The following ATRN variants were observed in gnomAD, a reference collection of about 807,000 sequenced individuals.
ATRN encodes the protein attractin-2.
In ATRN, 54 loss-of-function variants were observed where a neutral mutation model predicts 178.7. The observed-to-expected ratio is 0.30, with a 90% CI of 0.24 to 0.38. The LOEUF is 0.38. ATRN is among the 10% of genes least tolerant of loss of function. ATRN has a pLI of 1.00. For synonymous variants in ATRN, 636 were observed against 663.0 expected (o/e 0.96, Z 0.63); for missense variants, 1,443 against 1,815.1 (o/e 0.79, Z 3.73).
intron 1 of ATRN, among the ~76,000 whole-genome samples, chr20:3,509,585 G>A (rs961788880): frequency 3.4e-4 from 51 of 149,624 alleles, no homozygotes; most frequent in African/African-American, 1.2e-3. Context: ...GCAACCTCCA[G>A]CCCCTAGGTT....
chr20:3,600,467 T>C (rs1005478432), intron 22 of ATRN, among the ~76,000 whole-genome samples: 18 of 152,192 alleles, frequency 1.2e-4, no homozygotes, highest in African/African-American at 4.1e-4. Flanking sequence ...GTTTCCAGTT[T>C]TGGAGAAGTT....
intron 25 of ATRN, among the ~76,000 whole-genome samples, chr20:3,631,592 A>G (rs1726902001): frequency 6.6e-6 from 1 of 152,104 alleles, no homozygotes; most frequent in Non-Finnish European, 1.5e-5. Context: ...AGCAGCAAGT[A>G]GAAGGGACTG....
chr20:3,534,718 C>T (rs972759116), intron 1 of ATRN, among the ~76,000 whole-genome samples: 1 of 152,116 alleles, frequency 6.6e-6, no homozygotes, highest in African/African-American at 2.4e-5. Flanking sequence ...CCTGTAAACC[C>T]AGCATTTTGG....
At chr20:3,640,731 A>G (rs1356462834) in intron 27 of ATRN, among the ~76,000 whole-genome samples, 4 of 152,258 alleles carry the variant, frequency 2.6e-5, no homozygotes, top group African/African-American at 9.6e-5. Flanking sequence ...AATTAAAAGT[A>G]GAATTATATA....
At position 3,649,338 on chromosome 20, in the gene ATRN, AT is replaced by A. The variant is rs2087129657; in HGVS notation, c.*2493del. Reference sequence around the variant, plus strand: ...ACAGTAGTGTCCAGAATGTTCAGACATTCGGAGTGTACATAAAACAGAAAAA... The same window carrying A: ...ACAGTAGTGTCCAGAATGTTCAGACATCGGAGTGTACATAAAACAGAAAAA... On this transcript the variant is annotated 3_prime_UTR_variant, in exon 29 of 29. Coordinates refer to ENST00000262919, the MANE Select transcript of ATRN (RefSeq NM_139321.3). The A allele has an allele frequency of 6.5e-6, 1 of 152,676 alleles. No individual in the cohort carries two copies. The highest frequency in any genetic ancestry group is 2.4e-5 in the African/African-American group (1 of 41,462). 9.5% of individuals were successfully genotyped at this position (152,676 alleles called of 1,614,324 possible).
rs566248442 is a variant in ATRN, at chr20:3,522,858, A to G, written c.411-12395A>G. On this transcript the variant is annotated intron_variant, in intron 1 of 28. Coordinates refer to ENST00000262919, the MANE Select transcript of ATRN (RefSeq NM_139321.3). ...AACAAAAACTAACAAACAGAAAGGA[A>G]TAGGATCACCATCAACAAAAAGGAC... Among the ~76,000 whole-genome samples, 3 of 152,280 alleles carry G rather than the reference A, an allele frequency of 2.0e-5. No homozygotes were observed. The South Asian group carries it at 6.2e-4, about 32-fold the overall frequency.
At chr20:3,583,438 A>G (rs2086308034) in intron 16 of ATRN, among the ~76,000 whole-genome samples, 2 of 152,206 alleles carry the variant, frequency 1.3e-5, no homozygotes. Flanking sequence ...ACTAAACAGT[A>G]CTTGATGACT....
At chr20:3,611,946 A>G (rs1451602125) in intron 24 of ATRN, among the ~76,000 whole-genome samples, 1 of 152,202 alleles carries the variant, frequency 6.6e-6, no homozygotes, top group African/African-American at 2.4e-5. Flanking sequence ...TTCTTAAAAA[A>G]CTAATGTTAT....
At chr20:3,518,822 A>G in intron 1 of ATRN, among the ~76,000 whole-genome samples, 1 of 152,016 alleles carries the variant, frequency 6.6e-6, no homozygotes, top group Non-Finnish European at 1.5e-5. Flanking sequence ...TATCATGCCT[A>G]AAAAATTTAA....
At chr20:3,504,457 C>T (rs1023837467) in intron 1 of ATRN, among the ~76,000 whole-genome samples, 2 of 149,528 alleles carry the variant, frequency 1.3e-5, no homozygotes, top group Non-Finnish European at 3.0e-5. Context: ...GGGTGGATCA[C>T]CTGAGGTCAG....
intron 6 of ATRN, among the ~76,000 whole-genome samples, chr20:3,556,283 A>G (rs1200575878): frequency 1.3e-5 from 2 of 152,250 alleles, no homozygotes; most frequent in African/African-American, 4.8e-5. Context: ...TAGTTTCTTC[A>G]TGACAAAACC....
intron 3 of ATRN, among the ~76,000 whole-genome samples, chr20:3,543,691 C>T (rs2085657431): frequency 6.6e-6 from 1 of 150,908 alleles, no homozygotes; most frequent in Non-Finnish European, 1.5e-5. Context: ...TGCCACTGCA[C>T]TCCAGCCTAG....
chr20:3,573,044 G>A, intron 12 of ATRN, 93 bp downstream of exon 12: 1 of 1,142,580 alleles, frequency 8.8e-7, no homozygotes, highest in East Asian at 2.6e-5. Context: ...TACTTTTTAT[G>A]TTTACCTTAT....
chr20:3,512,107 A>ATATATATATATATATATATATATATTTTT, intron 1 of ATRN, among the ~76,000 whole-genome samples: 3 of 106,386 alleles, frequency 2.8e-5, no homozygotes, highest in Admixed American at 9.7e-5. Flanking sequence ...ATATATATAT[A>ATATATATATATATATATATATATATTTTT]TTTTTTTTTT....
intron 1 of ATRN, among the ~76,000 whole-genome samples, chr20:3,482,560 C>T (rs1037426639): frequency 6.6e-6 from 1 of 152,196 alleles, no homozygotes; most frequent in African/African-American, 2.4e-5. Context: ...ATAATTGTCA[C>T]TCAGTTTTCC....
chr20:3,554,609 C>T (rs984499138), intron 6 of ATRN, among the ~76,000 whole-genome samples: 5 of 152,066 alleles, frequency 3.3e-5, no homozygotes, highest in South Asian at 4.1e-4. Context: ...GCTGGGATTA[C>T]AGTCGTGAGC....
chr20:3,627,748 A>C (rs1466088539), intron 25 of ATRN, among the ~76,000 whole-genome samples: 1 of 152,220 alleles, frequency 6.6e-6, no homozygotes, highest in Non-Finnish European at 1.5e-5. Context: ...TAAAAGAAAA[A>C]TATGCAACTT....
intron 24 of ATRN, among the ~76,000 whole-genome samples, chr20:3,610,128 C>G (rs1469044007): frequency 6.6e-6 from 1 of 151,992 alleles, no homozygotes; most frequent in African/African-American, 2.4e-5. Flanking sequence ...TTATATCTTA[C>G]TACAATAAAA....
intron 25 of ATRN, 46 bp downstream of exon 25, chr20:3,624,618 C>G: frequency 7.0e-7 from 1 of 1,425,000 alleles, no homozygotes; most frequent in Non-Finnish European, 9.9e-7. Flanking sequence ...GATTTAGGCA[C>G]TAGATCCATT....
Sources: allele counts gnomAD v4.1 joint callset (sites outside exome capture counted in the v4.1 genomes callset), GRCh38; gene constraint gnomAD v4.1.1; transcripts MANE v1.5; gene names NCBI Gene and HGNC (gene_info 2026-07-23, HGNC 2026-07-21).